Variants in TENT5A observed in about 807,000 individuals in gnomAD.
TENT5A encodes terminal nucleotidyltransferase 5A, also known as HBV X-transactivated gene 11 protein.
TENT5A carries 9 observed loss-of-function variants against 30.2 expected under a neutral mutation model. The ratio of observed to expected loss-of-function variants is 0.30; its 90% CI spans 0.18 to 0.52. TENT5A has a LOEUF of 0.52. Ranked by LOEUF, TENT5A falls within the 20% of genes least tolerant of loss-of-function variation. TENT5A has a pLI of 0.97. For synonymous variants in TENT5A, 264 were observed against 234.2 expected, an observed-to-expected ratio of 1.13 and a Z score of -1.16; for missense variants, 411 against 566.1, an observed-to-expected ratio of 0.73 and a Z score of 2.78.
Position 81,748,525 on chromosome 6 carries a change from C to G in TENT5A, c.*1170G>C. Reference sequence around the variant, plus strand: ...TCATCATTGCAATATGCCCACGTCTCATGTTATCCTGTTGAAAACATAAAA... The same window carrying G: ...TCATCATTGCAATATGCCCACGTCTGATGTTATCCTGTTGAAAACATAAAA... On this transcript the variant is annotated 3_prime_UTR_variant, in exon 3 of 3. Transcript: ENST00000320172. 1.0e-6 allele frequency: 1 copy of G among 982,318 alleles called. No individual in the cohort carries two copies. The highest frequency in any genetic ancestry group is 1.2e-6 in the Non-Finnish European group (1 of 827,306). 60.9% of individuals were successfully genotyped at this position (982,318 alleles called of 1,614,324 possible). A position where few individuals can be genotyped will look rare whatever the true frequency, so the allele number is the denominator to read the frequency against.
Position 81,750,396 on chromosome 6 carries a change from T to G in TENT5A, c.628A>C (p.Ser210Arg), listed in dbSNP as rs1267582383. The G allele has an allele frequency of 6.2e-7, 1 of 1,613,186 alleles. No individual in the cohort carries two copies. Among genetic ancestry groups the G allele is most frequent in the Non-Finnish European group, 8.5e-7 (1 of 1,179,658 alleles). Residue 210 changes from serine (S) to arginine (R), a missense_variant, in exon 3 of 3, where the codon AGT becomes CGT. Transcript: ENST00000320172. This position sits in a 1 kb window ranked among gnomAD's most constrained non-coding sequence, Gnocchi z 4.2. ...RWSLISLSNN[S>R]GKNVELKFVD... ...AATTTCAGTTCCACATTTTTGCCAC[T>G]GTTGTTTGACAGGGATATAAGACTC...
Position 81,752,196 on chromosome 6 carries a change from G to C in TENT5A, c.-37-18C>G. The C allele has an allele frequency of 6.8e-7, 1 of 1,481,274 alleles. No homozygotes were observed. Among genetic ancestry groups the C allele is most frequent in the East Asian group, 2.5e-5 (1 of 40,560 alleles). 91.8% of individuals were successfully genotyped at this position (1,481,274 alleles called of 1,614,324 possible). On this transcript the variant is annotated intron_variant, in intron 1 of 2. Transcript: ENST00000320172. ...GGTCAGTCCTAAAAAGAAAGGGAAA[G>C]GAGCGCGGTGAGGACGCGCGGCGGC... is the stretch of plus-strand genomic sequence containing the variant.
In TENT5A at chr6:81,750,097, A is replaced by T; in HGVS notation, c.927T>A (p.Asp309Glu). Residue 309 changes from aspartate (D) to glutamate (E), a missense_variant, in exon 3 of 3, where the codon GAT (aspartate) becomes GAA (glutamate). By Grantham distance (45) the Asp-to-Glu change is conservative. Coordinates refer to ENST00000320172, the MANE Select transcript of TENT5A (RefSeq NM_017633.3). This position sits in a 1 kb window ranked among gnomAD's most constrained non-coding sequence, Gnocchi z 4.2. Reference sequence around the variant, plus strand: ...TATACCTTTGAAGGGTCTTGATTTCATCAGAGGCGGGCCTAAAGCCCCTCA... The same window carrying T: ...TATACCTTTGAAGGGTCTTGATTTCTTCAGAGGCGGGCCTAAAGCCCCTCA... Reference protein sequence around the residue: ...LLVRGFRPASDEIKTLQRYMC... With the variant: ...LLVRGFRPASEEIKTLQRYMC... 1 of 1,613,876 alleles carries T rather than the reference A, an allele frequency of 6.2e-7. No individual in the cohort carries two copies. The highest frequency in any genetic ancestry group is 8.5e-7 in the Non-Finnish European group (1 of 1,179,924).
chr6:81,750,147 G>A lies in TENT5A; in HGVS notation c.877C>T (p.Leu293=). The A allele has an allele frequency of 2.5e-6, 4 of 1,613,872 alleles. No individual in the cohort carries two copies. Among genetic ancestry groups the A allele is most frequent in the Non-Finnish European group, 3.4e-6 (4 of 1,179,886 alleles). ...RNPEEIRGGG[L]LKYCNLLVRG... ...ACCAAGAGGTTGCAGTACTTAAGCA[G>A]GCCTCCCCCTCGGATTTCCTCTGGG... Residue 293 remains leucine, a synonymous_variant, in exon 3 of 3, where the codon CTG becomes TTG. Transcript: ENST00000320172. The surrounding 1 kb of genome is among the most constrained non-coding windows in gnomAD (Gnocchi z 4.2).
At position 81,749,234 on chromosome 6, in the gene TENT5A, T is replaced by C. The variant is rs930988418; in HGVS notation, c.*461A>G. 5 of 987,358 alleles carry C rather than the reference T, an allele frequency of 5.1e-6. No homozygotes were observed. Among genetic ancestry groups the C allele is most frequent in the Non-Finnish European group, 6.0e-6 (5 of 831,036 alleles). 61.2% of individuals were successfully genotyped at this position (987,358 alleles called of 1,614,324 possible). On this transcript the variant is annotated 3_prime_UTR_variant, in exon 3 of 3. Coordinates refer to ENST00000320172, the MANE Select transcript of TENT5A (RefSeq NM_017633.3). ...TCCCCTTTTTCCTGTATTGTTACTA[T>C]TAATATCTGAACTCCTAAACTGATT...
At position 81,749,869 on chromosome 6, in the gene TENT5A, A is replaced by G. The variant is rs1246838017; in HGVS notation, c.1155T>C (p.Ala385=). The part of the protein sequence containing the change: ...RQTLNLITML[A]IRVLADQNVI... ...CATTTTGGTCAGCTAACACCCGGAT[A>G]GCCAGCATGGTGATAAGGTTTAAAG... The change falls in exon 3 of 3, where the codon GCT becomes GCC. Residue 385 remains alanine, a synonymous_variant. Transcript: ENST00000320172. 1 of 1,614,064 alleles carries G rather than the reference A, an allele frequency of 6.2e-7. No homozygotes were observed. The highest frequency in any genetic ancestry group is 1.3e-5 in the African/African-American group (1 of 74,926).
chr6:81,751,506 A>G (rs919175113), intron 2 of TENT5A, 84 bp downstream of exon 2: 17 of 1,270,068 alleles, frequency 1.3e-5, no homozygotes, highest in Non-Finnish European at 1.2e-5. Flanking sequence ...GATTCATGGC[A>G]TTTAACCGAT....
chr6:81,751,947 C>A lies in TENT5A; in HGVS notation c.195G>T (p.Val65=). 1 of 1,613,186 alleles carries A rather than the reference C, an allele frequency of 6.2e-7. No individual in the cohort carries two copies. The highest frequency in any genetic ancestry group is 2.2e-5 in the East Asian group (1 of 44,854). ...YCESPTAHCN[V]LNWEQVQRLD... Reference sequence around the variant, plus strand: ...GCCGCTGCACTTGCTCCCAGTTCAGCACATTGCAGTGCGCCGTAGGGCTTT... The same window carrying A: ...GCCGCTGCACTTGCTCCCAGTTCAGAACATTGCAGTGCGCCGTAGGGCTTT... Residue 65 remains valine, a synonymous_variant, in exon 2 of 3, where the codon GTG becomes GTT. Transcript: ENST00000320172.
In TENT5A at chr6:81,746,336, G is replaced by T; in HGVS notation, c.*3359C>A. 8.2e-7 allele frequency: 1 copy of T among 1,224,560 alleles called. No individual in the cohort carries two copies. Among genetic ancestry groups the T allele is most frequent in the African/African-American group, 1.6e-5 (1 of 64,324 alleles). 75.9% of individuals were successfully genotyped at this position (1,224,560 alleles called of 1,614,324 possible). On this transcript the variant is annotated 3_prime_UTR_variant, in exon 3 of 3. Coordinates refer to ENST00000320172, the MANE Select transcript of TENT5A (RefSeq NM_017633.3). Reference sequence around the variant, plus strand: ...ATATTTATTTAACAAGCGTTGCATTGAAAACAACTTTATGCACAGTGAAGC... The same window carrying T: ...ATATTTATTTAACAAGCGTTGCATTTAAAACAACTTTATGCACAGTGAAGC...
At position 81,751,828 on chromosome 6, in the gene TENT5A, C is replaced by A. The variant is rs755873840; in HGVS notation, c.314G>T (p.Arg105Leu). 1 of 1,612,932 alleles carries A rather than the reference C, an allele frequency of 6.2e-7. No homozygotes were observed. The highest frequency in any genetic ancestry group is 8.5e-7 in the Non-Finnish European group (1 of 1,179,866). ...AATGCGCTTCTCGGCCAGGCGCCGC[C>A]GCACCACCTTCACGATCAGGCTCGG... ...LQPSLIVKVV[R>L]RRLAEKRIGV... Residue 105 changes from arginine (R) to leucine (L), a missense_variant, in exon 2 of 3, where the codon CGG becomes CTG. Arg to Leu is a moderately radical substitution (Grantham distance 102). Transcript: ENST00000320172.
chr6:81,750,525 T>C lies in TENT5A; in HGVS notation c.553-54A>G. 9.2e-7 allele frequency: 1 copy of C among 1,089,994 alleles called. No homozygotes were observed. Among genetic ancestry groups the C allele is most frequent in the South Asian group, 1.7e-5 (1 of 59,580 alleles). The allele number at this position is 1,089,994 out of a possible 1,614,324, so 67.5% of individuals were successfully genotyped here. ...GCAAACCTAGAAAATAATAAATCAA[T>C]AAATAAATACATCCTCTTCACAGCT... On this transcript the variant is annotated intron_variant, in intron 2 of 2. Transcript: ENST00000320172. The surrounding 1 kb of genome is among the most constrained non-coding windows in gnomAD (Gnocchi z 4.2).
chr6:81,750,833 G>T lies in TENT5A; in HGVS notation c.553-362C>A, dbSNP rs1769015893. Among the ~76,000 whole-genome samples, 2 of 152,200 alleles carry T rather than the reference G, an allele frequency of 1.3e-5. No individual in the cohort carries two copies. Among genetic ancestry groups the T allele is most frequent in the Admixed American group, 1.3e-4 (2 of 15,284 alleles). On this transcript the variant is annotated intron_variant, in intron 2 of 2. Transcript: ENST00000320172. The surrounding 1 kb of genome is among the most constrained non-coding windows in gnomAD (Gnocchi z 4.2). ...AACAACATTCAAAAGACTCGGAAGG[G>T]CATTCAGCGGTAGGTTAGTCAGCCT... is the stretch of plus-strand genomic sequence containing the variant.
chr6:81,750,214 T>C lies in TENT5A; in HGVS notation c.810A>G (p.Glu270=). The change falls in exon 3 of 3, where the codon GAA becomes GAG. Residue 270 remains glutamate, a synonymous_variant. Coordinates refer to ENST00000320172, the MANE Select transcript of TENT5A (RefSeq NM_017633.3). This position sits in a 1 kb window ranked among gnomAD's most constrained non-coding sequence, Gnocchi z 4.2. ...TCTTGTTACAAAGGTGATCAAAGGC[T>C]TCCTGGAAATCGCCATAGACGCTCT... ...IGESVYGDFQ[E]AFDHLCNKII... 1 of 1,614,206 alleles carries C rather than the reference T, an allele frequency of 6.2e-7. No individual in the cohort carries two copies. The highest frequency in any genetic ancestry group is 8.5e-7 in the Non-Finnish European group (1 of 1,180,040).
rs1439637482 is a variant in TENT5A, at chr6:81,746,452, T to A, written c.*3243A>T. ...GGTTTGGATTACACATATTCTTCCA[T>A]CCTTGCATTTTTGGAGCTACATTAT... is the stretch of plus-strand genomic sequence containing the variant. On this transcript the variant is annotated 3_prime_UTR_variant, in exon 3 of 3. Transcript: ENST00000320172. The A allele has an allele frequency of 2.4e-6, 3 of 1,231,960 alleles. No individual in the cohort carries two copies. In the South Asian group the frequency reaches 1.2e-4, roughly 51 times the overall value. 76.3% of individuals were successfully genotyped at this position (1,231,960 alleles called of 1,614,324 possible).
In TENT5A at chr6:81,747,355, C is replaced by G. The variant is rs1353691336; in HGVS notation, c.*2340G>C. ...GGAAGTTGCAATTAATTTTTCAAAC[C>G]CAGGGCTTAAGTGAGGGAGACTGAG... is the stretch of plus-strand genomic sequence containing the variant. On this transcript the variant is annotated 3_prime_UTR_variant, in exon 3 of 3. Transcript: ENST00000320172. 2.0e-6 allele frequency: 2 copies of G among 985,640 alleles called. No homozygotes were observed. Among genetic ancestry groups the G allele is most frequent in the Non-Finnish European group, 2.4e-6 (2 of 829,926 alleles). 61.1% of individuals were successfully genotyped at this position (985,640 alleles called of 1,614,324 possible).
chr6:81,749,456 CAGGATAGAATCCAATTGGGT>C lies in TENT5A; in HGVS notation c.*219_*238del. 8.0e-7 allele frequency: 1 copy of C among 1,243,782 alleles called. No individual in the cohort carries two copies. Among genetic ancestry groups the C allele is most frequent in the South Asian group, 3.2e-5 (1 of 31,210 alleles). 77.0% of individuals were successfully genotyped at this position (1,243,782 alleles called of 1,614,324 possible). On this transcript the variant is annotated 3_prime_UTR_variant, in exon 3 of 3. Coordinates refer to ENST00000320172, the MANE Select transcript of TENT5A (RefSeq NM_017633.3). Reference sequence around the variant, plus strand: ...CTAATGACAGGTCTCTCTTTTTTTGCAGGATAGAATCCAATTGGGTAGGAGAATAAGAGAAGGGAAAAGGA... The same window carrying C: ...CTAATGACAGGTCTCTCTTTTTTTGCAGGAGAATAAGAGAAGGGAAAAGGA...
At chr6:81,752,227 G>C in intron 1 of TENT5A, 49 bp from the exon 2 acceptor site, 1 of 1,254,568 alleles carries the variant, frequency 8.0e-7, no homozygotes, top group Non-Finnish European at 1.0e-6. Context: ...GCGGCGGAGA[G>C]CACGCGCGGC....
In TENT5A at chr6:81,749,224, A is replaced by G; in HGVS notation, c.*471T>C. ...ACGTTGGAGTTCCCCTTTTTCCTGT[A>G]TTGTTACTATTAATATCTGAACTCC... On this transcript the variant is annotated 3_prime_UTR_variant, in exon 3 of 3. Transcript: ENST00000320172. The G allele has an allele frequency of 1.0e-6, 1 of 986,738 alleles. No homozygotes were observed. The highest frequency in any genetic ancestry group is 4.7e-5 in the South Asian group (1 of 21,306). 61.1% of individuals were successfully genotyped at this position (986,738 alleles called of 1,614,324 possible).
Position 81,749,535 on chromosome 6 carries a change from A to C in TENT5A, c.*160T>G, listed in dbSNP as rs1265501129. On this transcript the variant is annotated 3_prime_UTR_variant, in exon 3 of 3. Transcript: ENST00000320172. ...AGATCATGCTCCCACATCTATTAAA[A>C]GATACATAAGCTTTGCCAAACTTAA... is the stretch of plus-strand genomic sequence containing the variant. 25 of 1,380,204 alleles carry C rather than the reference A, an allele frequency of 1.8e-5. No individual in the cohort carries two copies. In the Admixed American group the frequency reaches 8.1e-4, roughly 45 times the overall value. The allele number at this position is 1,380,204 out of a possible 1,614,324, so 85.5% of individuals were successfully genotyped here.
Sources: allele counts gnomAD v4.1 joint callset (sites outside exome capture counted in the v4.1 genomes callset), GRCh38; gene constraint gnomAD v4.1.1; non-coding constraint Gnocchi (gnomAD v3.1); transcripts MANE v1.5; gene names NCBI Gene and HGNC (gene_info 2026-07-23, HGNC 2026-07-21).